The following ROBO1 variants were observed in gnomAD, a reference collection of about 807,000 sequenced individuals.
ROBO1 encodes the protein roundabout homolog 1.
ROBO1 carries 149 observed loss-of-function variants against 195.9 expected under a neutral mutation model. The observed-to-expected ratio is 0.76, with a 90% CI of 0.67 to 0.87. The LOEUF (loss-of-function observed/expected upper bound fraction) is 0.87, where lower values mean the gene tolerates loss of function less well. Among genes scored for constraint, ROBO1 ranks in the 40% least tolerant of loss-of-function variants. The pLI, the probability that ROBO1 is intolerant of heterozygous loss-of-function variation, is 0.00. For synonymous variants in ROBO1, 816 were observed against 733.2 expected (o/e 1.11, Z -1.82); for missense variants, 1,933 against 2,068.3 (o/e 0.93, Z 1.27).
chr3:79,736,519 A>C (rs1394359608), intron 1 of ROBO1, among the ~76,000 whole-genome samples: 1 of 152,200 alleles, frequency 6.6e-6, no homozygotes, highest in Non-Finnish European at 1.5e-5. Context: ...TTATTATACC[A>C]ATACAAGGGA....
chr3:79,654,039 T>C (rs915678402), intron 1 of ROBO1, among the ~76,000 whole-genome samples: 4 of 151,988 alleles, frequency 2.6e-5, no homozygotes, highest in Admixed American at 6.6e-5. Flanking sequence ...ATCCAGAACA[T>C]TATTTGAATT....
At chr3:78,920,467 G>T (rs1296778132) in intron 4 of ROBO1, among the ~76,000 whole-genome samples, 1 of 151,674 alleles carries the variant, frequency 6.6e-6, no homozygotes, top group Non-Finnish European at 1.5e-5. Flanking sequence ...ACCACGCACG[G>T]CTAACTTTTT....
chr3:78,721,449 C>T (rs992925389), intron 5 of ROBO1, among the ~76,000 whole-genome samples: 2 of 152,204 alleles, frequency 1.3e-5, no homozygotes, highest in African/African-American at 2.4e-5. Context: ...TTGGATAGCA[C>T]GCCGAGCCTC....
chr3:79,341,853 C>G (rs549600619), intron 2 of ROBO1, among the ~76,000 whole-genome samples: 26 of 152,054 alleles, frequency 1.7e-4, no homozygotes, highest in Non-Finnish European at 3.8e-4. Context: ...ATATTAGAGG[C>G]TTCTTTTGCG....
At chr3:79,192,404 A>C (rs1462796785) in intron 2 of ROBO1, among the ~76,000 whole-genome samples, 1 of 151,724 alleles carries the variant, frequency 6.6e-6, no homozygotes, top group Non-Finnish European at 1.5e-5. Flanking sequence ...TGCAGGTAAT[A>C]TGTGACTAAT....
rs371556131 is a variant in ROBO1 at position 78,670,122 on chromosome 3, C to T, written c.1522G>A (p.Gly508Arg). The T allele has an allele frequency of 6.2e-7, 1 of 1,613,410 alleles. No individual in the cohort carries two copies. The highest frequency in any genetic ancestry group is 1.1e-5 in the South Asian group (1 of 90,994). ...QDSRIKQLEN[G>R]VLQIRYAKLG... The stretch of plus-strand genomic sequence containing the variant: ...TTAGCATATCGGATCTGCAGTACTC[C>T]ATTCTCCAACTGTTTGATTCGAGAG... Residue 508 changes from glycine (G) to arginine (R), a missense_variant, in exon 11 of 31, where the codon GGA becomes AGA. Physicochemically the swap from Gly to Arg is moderately radical, Grantham distance 125 (BLOSUM62 -2). This residue lies in a region of ROBO1 where 1,737 missense variants were observed against 1,882.5 expected (regional missense o/e 0.92). Transcript: ENST00000464233.
chr3:79,044,110 A>G (rs2078541826), intron 3 of ROBO1, among the ~76,000 whole-genome samples: 1 of 141,988 alleles, frequency 7.0e-6, no homozygotes, highest in Non-Finnish European at 1.5e-5. Context: ...ACTAACAGTA[A>G]TGATAGTTGA....
intron 1 of ROBO1, among the ~76,000 whole-genome samples, chr3:79,601,074 C>T (rs532575771): frequency 3.3e-5 from 5 of 151,804 alleles, no homozygotes; most frequent in Non-Finnish European, 4.4e-5. Context: ...AAAGAGAGAA[C>T]GAAGTAATCA....
chr3:79,071,972 A>T (rs1023686465), intron 3 of ROBO1, among the ~76,000 whole-genome samples: 1 of 151,806 alleles, frequency 6.6e-6, no homozygotes, highest in Non-Finnish European at 1.5e-5. Context: ...GAAACTGCTC[A>T]CTCTCTCAAT....
intron 26 of ROBO1, among the ~76,000 whole-genome samples, chr3:78,624,590 C>CA (rs1278072973): frequency 2.6e-5 from 4 of 152,106 alleles, no homozygotes; most frequent in Non-Finnish European, 5.9e-5. Context: ...AGGTCAACTC[C>CA]AATTATTCCA....
intron 5 of ROBO1, among the ~76,000 whole-genome samples, chr3:78,730,235 A>G (rs1041388435): frequency 1.3e-5 from 2 of 152,188 alleles, no homozygotes; most frequent in African/African-American, 4.8e-5. Context: ...ACTTAGCTCT[A>G]TAGTTTGGTC....
intron 2 of ROBO1, among the ~76,000 whole-genome samples, chr3:79,581,960 T>A (rs544379882): frequency 3.4e-4 from 51 of 152,108 alleles, no homozygotes; most frequent in Admixed American, 6.6e-4. Context: ...CTTGGTTAAT[T>A]GTCTAGAATA....
intron 5 of ROBO1, among the ~76,000 whole-genome samples, chr3:78,745,987 T>C (rs927497554): frequency 6.6e-6 from 1 of 152,144 alleles, no homozygotes; most frequent in Non-Finnish European, 1.5e-5. Context: ...GAATTCACAA[T>C]GGACAGATAT....
intron 3 of ROBO1, among the ~76,000 whole-genome samples, chr3:78,991,943 A>T (rs943402425): frequency 6.6e-6 from 1 of 152,208 alleles, no homozygotes; most frequent in African/African-American, 2.4e-5. Context: ...ATCTACAAAA[A>T]AAAACCAAAA....
chr3:79,094,615 T>C (rs1029999258), intron 3 of ROBO1, among the ~76,000 whole-genome samples: 11 of 152,202 alleles, frequency 7.2e-5, no homozygotes, highest in South Asian at 2.1e-4. Context: ...TCAGGTTTTA[T>C]TTTTTTCAAC....
chr3:79,085,789 G>A (rs888558548), intron 3 of ROBO1, among the ~76,000 whole-genome samples: 3 of 152,148 alleles, frequency 2.0e-5, no homozygotes, highest in Admixed American at 2.0e-4. Flanking sequence ...CTAAGGAAGT[G>A]TGTTTAAAGA....
intron 1 of ROBO1, among the ~76,000 whole-genome samples, chr3:79,729,858 T>A (rs978475459): frequency 1.3e-5 from 2 of 152,176 alleles, no homozygotes; most frequent in African/African-American, 4.8e-5. Flanking sequence ...TACTGCTGCA[T>A]ATGTAGATTT....
At chr3:78,702,036 A>G (rs2081432764) in intron 8 of ROBO1, among the ~76,000 whole-genome samples, 1 of 152,210 alleles carries the variant, frequency 6.6e-6, no homozygotes, top group African/African-American at 2.4e-5. Flanking sequence ...TGAACTTCTA[A>G]TTTATACAAA....
chr3:79,576,646 A>T (rs73849620), intron 2 of ROBO1, among the ~76,000 whole-genome samples: 2,214 of 152,212 alleles, frequency 0.015, 43 homozygotes, highest in African/African-American at 0.049. Flanking sequence ...TGCCCAGTTT[A>T]TTTGCTGTAA....
Sources: allele counts gnomAD v4.1 joint callset (sites outside exome capture counted in the v4.1 genomes callset), GRCh38; gene constraint gnomAD v4.1.1; regional missense constraint gnomAD v4.1.1; transcripts MANE v1.5; gene names NCBI Gene and HGNC (gene_info 2026-07-23, HGNC 2026-07-21).